PLXDC2: variants seen among roughly 807,000 people sequenced by gnomAD.
PLXDC2 encodes plexin domain-containing protein 2.
PLXDC2 carries 40 observed loss-of-function variants against 68.9 expected under a neutral mutation model. The ratio of observed to expected loss-of-function variants is 0.58; its 90% CI spans 0.45 to 0.76. PLXDC2 has a LOEUF of 0.76. PLXDC2 is among the 30% of genes least tolerant of loss of function. PLXDC2 has a pLI of 0.00. For synonymous variants in PLXDC2, 243 were observed against 234.2 expected (o/e 1.04, Z -0.34); for missense variants, 644 against 661.9 (o/e 0.97, Z 0.30).
intron 4 of PLXDC2, among the ~76,000 whole-genome samples, chr10:20,079,056 A>G (rs1202431173): frequency 6.6e-6 from 1 of 152,148 alleles, no homozygotes; most frequent in Admixed American, 6.5e-5. Context: ...TGCATATAAT[A>G]AAATTTTCAT....
intron 1 of PLXDC2, among the ~76,000 whole-genome samples, chr10:19,929,261 T>C (rs1185895745): frequency 6.6e-6 from 1 of 151,740 alleles, no homozygotes; most frequent in African/African-American, 2.4e-5. Context: ...AAGAACCCAC[T>C]CTCTAGAGGG....
chr10:19,916,481 C>T lies in PLXDC2; in HGVS notation c.113-85294C>T, dbSNP rs549953505. On this transcript the variant is annotated intron_variant, in intron 1 of 13. Transcript: ENST00000377252. The stretch of plus-strand genomic sequence containing the variant: ...GGACTTTTTTTCTTTTTTCAAAATA[C>T]ATATGGATACATAAGCAATCAAAGT... 2.0e-5 allele frequency among the ~76,000 whole-genome samples: 3 copies of T among 151,798 alleles called. No individual in the cohort carries two copies. In the South Asian group the frequency reaches 6.2e-4, roughly 32 times the overall value.
At chr10:20,081,428 AAAAC>A (rs1040674017) in intron 4 of PLXDC2, among the ~76,000 whole-genome samples, 35 of 152,206 alleles carry the variant, frequency 2.3e-4, no homozygotes, top group African/African-American at 8.2e-4. Flanking sequence ...GAAAAAAACA[AAAAC>A]AAAAGCAGAA....
rs1484131963 is a variant in PLXDC2, at chr10:20,284,330, T to TATATATATATATACATATAC, written c.*4512_*4513insTATATATATATACATATACA. The TATATATATATATACATATAC allele has an allele frequency of 7.9e-6, 1 of 126,338 alleles. No individual in the cohort carries two copies. The highest frequency in any genetic ancestry group is 2.9e-5 in the African/African-American group (1 of 34,316). The allele number at this position is 126,338 out of a possible 1,614,324, so 7.8% of individuals were successfully genotyped here. On this transcript the variant is annotated 3_prime_UTR_variant, in exon 14 of 14. Transcript: ENST00000377252. ...AAATATACATATATATATATATATA[T>TATATATATATATACATATAC]ACACACACACACACACACACACAAA...
chr10:19,955,096 T>TTC, intron 1 of PLXDC2, among the ~76,000 whole-genome samples: 1 of 149,140 alleles, frequency 6.7e-6, no homozygotes, highest in South Asian at 2.1e-4. Context: ...TTTTTTTTTT[T>TTC]CCTGAGACAG....
chr10:20,190,479 G>A (rs1432551748), intron 9 of PLXDC2, among the ~76,000 whole-genome samples: 3 of 151,846 alleles, frequency 2.0e-5, no homozygotes, highest in Admixed American at 1.3e-4. Context: ...GATAGCATTA[G>A]GAGATATACC....
At chr10:20,099,562 G>T (rs1589628756) in intron 4 of PLXDC2, among the ~76,000 whole-genome samples, 1 of 152,146 alleles carries the variant, frequency 6.6e-6, no homozygotes, top group Middle Eastern at 3.2e-3. Context: ...TATATTGATT[G>T]TGTGGGGTTT....
intron 1 of PLXDC2, among the ~76,000 whole-genome samples, chr10:19,984,821 TGTGATTTTAGTGCA>T (rs1271449162): frequency 9.9e-5 from 15 of 152,254 alleles, no homozygotes; most frequent in Middle Eastern, 3.4e-3. Flanking sequence ...AGGAACACCA[TGTGATTTTAGTGCA>T]TTCTGAAGTT....
intron 9 of PLXDC2, among the ~76,000 whole-genome samples, chr10:20,182,178 G>A (rs570482765): frequency 9.9e-5 from 15 of 151,524 alleles, no homozygotes; most frequent in African/African-American, 2.4e-4. Flanking sequence ...TTTAAAAAGC[G>A]TAAATTCCCA....
In PLXDC2 at chr10:20,283,678, T is replaced by C. The variant is rs1467992913; in HGVS notation, c.*3859T>C. On this transcript the variant is annotated 3_prime_UTR_variant, in exon 14 of 14. Coordinates refer to ENST00000377252, the MANE Select transcript of PLXDC2 (RefSeq NM_032812.9). ...ATCCTTCAACTGGCTCAGTTCTTTA[T>C]TGCATAGAGCCACTTAGCTTCTCTA... 1 of 152,344 alleles carries C rather than the reference T, an allele frequency of 6.6e-6. No homozygotes were observed. 9.4% of individuals were successfully genotyped at this position (152,344 alleles called of 1,614,324 possible).
intron 12 of PLXDC2, among the ~76,000 whole-genome samples, chr10:20,222,315 T>A (rs1035768955): frequency 6.6e-6 from 1 of 152,242 alleles, no homozygotes; most frequent in African/African-American, 2.4e-5. Context: ...AGGAGATTTT[T>A]CTTTCATCTT....
chr10:19,894,424 T>G lies in PLXDC2; in HGVS notation c.112+77233T>G, dbSNP rs182793801. Reference sequence around the variant, plus strand: ...AACCACTTTCAATTTCAATTGGAATTTATATATTCCTGAGGGGACAAAAGT... The same window carrying G: ...AACCACTTTCAATTTCAATTGGAATGTATATATTCCTGAGGGGACAAAAGT... On this transcript the variant is annotated intron_variant, in intron 1 of 13. Transcript: ENST00000377252. Among the ~76,000 whole-genome samples the G allele has an allele frequency of 8.2e-3, 1,250 of 152,224 alleles. 18 individuals carry two copies. Among genetic ancestry groups the G allele is most frequent in the African/African-American group, 0.029 (1,187 of 41,528 alleles).
At chr10:20,119,620 T>G (rs1412412419) in intron 4 of PLXDC2, among the ~76,000 whole-genome samples, 3 of 151,246 alleles carry the variant, frequency 2.0e-5, no homozygotes, top group African/African-American at 7.3e-5. Context: ...TCTTCTTATA[T>G]TAATAAGAAA....
intron 13 of PLXDC2, among the ~76,000 whole-genome samples, chr10:20,276,208 T>C (rs1836005204): frequency 6.6e-6 from 1 of 152,186 alleles, no homozygotes; most frequent in African/African-American, 2.4e-5. Context: ...TTCATACTCA[T>C]GCCTGTAACT....
intron 1 of PLXDC2, among the ~76,000 whole-genome samples, chr10:19,956,092 C>G (rs767037889): frequency 6.6e-6 from 1 of 151,966 alleles, no homozygotes; most frequent in Non-Finnish European, 1.5e-5. Context: ...AAAAAATTCT[C>G]GTAATTTTCT....
chr10:19,955,074 A>AAT (rs1554848335), intron 1 of PLXDC2, among the ~76,000 whole-genome samples: 1 of 99,292 alleles, frequency 1.0e-5, no homozygotes, highest in African/African-American at 3.9e-5. Context: ...CCTTTCACTG[A>AAT]TTTTTTTTTT....
chr10:19,901,978 G>C (rs1838168582), intron 1 of PLXDC2, among the ~76,000 whole-genome samples: 3 of 151,992 alleles, frequency 2.0e-5, no homozygotes, highest in African/African-American at 7.2e-5. Context: ...GAAGTCAGTT[G>C]GCTATAAGTA....
chr10:19,879,496 G>A (rs933095091), intron 1 of PLXDC2, among the ~76,000 whole-genome samples: 28 of 152,226 alleles, frequency 1.8e-4, no homozygotes, highest in African/African-American at 5.3e-4. Flanking sequence ...CGCTCATTGT[G>A]TACTAGACAC....
At chr10:20,142,105 A>G (rs1788186453) in intron 4 of PLXDC2, among the ~76,000 whole-genome samples, 1 of 152,144 alleles carries the variant, frequency 6.6e-6, no homozygotes, top group South Asian at 2.1e-4. Context: ...TTACCTAGAC[A>G]TCACAATTTT....
Sources: allele counts gnomAD v4.1 joint callset (sites outside exome capture counted in the v4.1 genomes callset), GRCh38; gene constraint gnomAD v4.1.1; transcripts MANE v1.5; gene names NCBI Gene and HGNC (gene_info 2026-07-23, HGNC 2026-07-21).